Variants in WAC observed in about 807,000 individuals in gnomAD.
WAC encodes WW domain containing adaptor with coiled-coil.
In WAC, 11 loss-of-function variants were observed where a neutral mutation model predicts 79.6. The observed-to-expected ratio is 0.14, with a 90% confidence interval of 0.09 to 0.23. The LOEUF is 0.23. WAC is among the 10% of genes least tolerant of loss of function. The pLI, the probability that WAC is intolerant of heterozygous loss-of-function variation, is 1.00. For synonymous variants in WAC, 304 were observed against 276.9 expected (o/e 1.10, Z -0.97); for missense variants, 728 against 773.5 (o/e 0.94, Z 0.70).
chr10:28,589,941 T>C (rs1840003157), intron 5 of WAC, 90 bp downstream of exon 5: 1 of 937,962 alleles, frequency 1.1e-6, no homozygotes, highest in Non-Finnish European at 1.7e-6. Flanking sequence ...TAATTTAGCT[T>C]TTTTATAGTG....
chr10:28,619,341 C>CT (rs1260882282), intron 13 of WAC, among the ~76,000 whole-genome samples, 196 bp from the exon 14 acceptor site: 2 of 152,138 alleles, frequency 1.3e-5, no homozygotes, highest in African/African-American at 4.8e-5. Flanking sequence ...CATCCTTATA[C>CT]TTTAATAGAT....
intron 3 of WAC, among the ~76,000 whole-genome samples, chr10:28,552,733 T>C (rs1837749477): frequency 1.3e-5 from 2 of 151,922 alleles, no homozygotes; most frequent in South Asian, 4.1e-4. Context: ...GTTAACTCGA[T>C]AACAAGAATT....
chr10:28,547,270 C>T (rs1437911433), intron 3 of WAC, among the ~76,000 whole-genome samples: 3 of 152,104 alleles, frequency 2.0e-5, no homozygotes, highest in East Asian at 1.9e-4. Flanking sequence ...TGCGGTGGCT[C>T]ACCCCTGTAA....
intron 3 of WAC, among the ~76,000 whole-genome samples, chr10:28,576,376 A>G (rs1178176439): frequency 1.3e-5 from 2 of 152,204 alleles, no homozygotes; most frequent in African/African-American, 4.8e-5. Flanking sequence ...TATCTCTGCC[A>G]CTTCAATGTT....
intron 3 of WAC, among the ~76,000 whole-genome samples, chr10:28,559,196 T>C (rs1838172015): frequency 6.7e-6 from 1 of 148,652 alleles, no homozygotes; most frequent in Admixed American, 6.8e-5. Flanking sequence ...TGCGATAGTA[T>C]ATGAGTTGGT....
chr10:28,604,574 A>G (rs956837167), intron 7 of WAC, among the ~76,000 whole-genome samples: 3 of 152,162 alleles, frequency 2.0e-5, no homozygotes, highest in African/African-American at 7.2e-5. Context: ...TCTACTAAAA[A>G]TACAAAAAAT....
At chr10:28,573,254 C>T (rs1839070620) in intron 3 of WAC, among the ~76,000 whole-genome samples, 1 of 151,902 alleles carries the variant, frequency 6.6e-6, no homozygotes, top group African/African-American at 2.4e-5. Context: ...ATTGTCATCT[C>T]CCCCCCAAAA....
rs140393621 is a variant in WAC, at chr10:28,614,736, C to T, written c.1556+51C>T. On this transcript the variant is annotated intron_variant, in intron 11 of 13. Coordinates refer to ENST00000354911, the MANE Select transcript of WAC (RefSeq NM_016628.5). Reference sequence around the variant, plus strand: ...CACATTGTTTTATTTAATGATGGTACACTGCATTGTTTGAATATTATATCT... The same window carrying T: ...CACATTGTTTTATTTAATGATGGTATACTGCATTGTTTGAATATTATATCT... 7.1e-4 allele frequency: 969 copies of T among 1,362,914 alleles called. 4 individuals are homozygous for T. In the African/African-American group the frequency reaches 0.012, roughly 17 times the overall value. The allele number at this position is 1,362,914 out of a possible 1,614,324, so 84.4% of individuals were successfully genotyped here. A position where few individuals can be genotyped will look rare whatever the true frequency, so the allele number is the denominator to read the frequency against.
chr10:28,617,332 C>T (rs1388748244), intron 12 of WAC, among the ~76,000 whole-genome samples: 1 of 152,170 alleles, frequency 6.6e-6, no homozygotes, highest in Admixed American at 6.5e-5. Context: ...CCTGAACTTG[C>T]AGAAATGACA....
intron 3 of WAC, among the ~76,000 whole-genome samples, chr10:28,562,636 G>A (rs1314609231): frequency 6.6e-6 from 1 of 152,146 alleles, no homozygotes; most frequent in Non-Finnish European, 1.5e-5. Flanking sequence ...AAGAAAGGTA[G>A]TAAACATTAA....
At chr10:28,579,419 G>GTGTGATTTCA (rs1346218785) in intron 3 of WAC, among the ~76,000 whole-genome samples, 1 of 152,120 alleles carries the variant, frequency 6.6e-6, no homozygotes, top group East Asian at 1.9e-4. Flanking sequence ...ATACTCACTA[G>GTGTGATTTCA]ATTTGGGATT....
At chr10:28,538,222 A>G (rs1836787764) in intron 3 of WAC, 1 of 177,236 alleles carries the variant, frequency 5.6e-6, no homozygotes, top group Admixed American at 5.6e-5. Flanking sequence ...GTTTGGCACT[A>G]AGATGTTAAA....
At chr10:28,551,996 T>C (rs972610973) in intron 3 of WAC, among the ~76,000 whole-genome samples, 10 of 152,004 alleles carry the variant, frequency 6.6e-5, no homozygotes, top group Admixed American at 6.6e-5. Flanking sequence ...CCAACTAATA[T>C]TTGTATTTTT....
intron 3 of WAC, among the ~76,000 whole-genome samples, chr10:28,541,085 A>G (rs1397046876): frequency 6.6e-6 from 1 of 152,180 alleles, no homozygotes; most frequent in Admixed American, 6.5e-5. Flanking sequence ...GAATGAGTTC[A>G]CTTAGATCCT....
intron 10 of WAC, among the ~76,000 whole-genome samples, chr10:28,613,968 C>T (rs1023968233): frequency 1.3e-5 from 2 of 152,154 alleles, no homozygotes; most frequent in African/African-American, 2.4e-5. Context: ...CATATTTCTC[C>T]ATATCATTAA....
At chr10:28,572,078 C>T (rs1839002782) in intron 3 of WAC, among the ~76,000 whole-genome samples, 1 of 152,104 alleles carries the variant, frequency 6.6e-6, no homozygotes, top group South Asian at 2.1e-4. Flanking sequence ...GTGGCTCAGG[C>T]CTGTAATCCC....
rs1332152774 is a variant in WAC at position 28,620,962 on chromosome 10, TTAAAA to T, written c.*1362_*1366del. 1 of 152,178 alleles carries T rather than the reference TTAAAA, an allele frequency of 6.6e-6. No homozygotes were observed. Among genetic ancestry groups the T allele is most frequent in the Non-Finnish European group, 1.5e-5 (1 of 68,022 alleles). The allele number at this position is 152,178 out of a possible 1,614,324, so 9.4% of individuals were successfully genotyped here. A position where few individuals can be genotyped will look rare whatever the true frequency, so the allele number is the denominator to read the frequency against. On this transcript the variant is annotated 3_prime_UTR_variant, in exon 14 of 14. Transcript: ENST00000354911. ...TTTGTATATTGTTTCCTAAAGTATA[TTAAAA>T]TAAAAAAAGAAACTATTGCTACTAT...
At chr10:28,617,102 C>G (rs1169122707) in intron 12 of WAC, among the ~76,000 whole-genome samples, 1 of 152,052 alleles carries the variant, frequency 6.6e-6, no homozygotes, top group Non-Finnish European at 1.5e-5. Flanking sequence ...AAAAAAAACC[C>G]CACTTAATTT....
intron 3 of WAC, among the ~76,000 whole-genome samples, chr10:28,572,833 A>G (rs73609823): frequency 6.6e-6 from 1 of 152,084 alleles, no homozygotes; most frequent in Non-Finnish European, 1.5e-5. Context: ...CAAAAACCTT[A>G]CTCTTGAAAT....
Sources: gnomAD v4.1 joint callset for allele counts (sites outside exome capture counted in the v4.1 genomes callset) on GRCh38, gnomAD v4.1.1 for gene constraint, MANE v1.5 for transcripts, NCBI Gene and HGNC (gene_info 2026-07-23, HGNC 2026-07-21) for gene names.